Variants in RAD51B observed in about 807,000 individuals in gnomAD.
RAD51B encodes DNA repair protein RAD51 homolog 2.
Under a neutral mutation model 42.2 loss-of-function variants are expected in RAD51B, and 38 were observed. That is an observed-to-expected ratio of 0.90 (90% CI 0.70 to 1.18). The LOEUF (loss-of-function observed/expected upper bound fraction) is 1.18, where lower values mean the gene tolerates loss of function less well. Among genes scored for constraint, RAD51B ranks in the 50% most tolerant of loss-of-function variants. The pLI, the probability that RAD51B is intolerant of heterozygous loss-of-function variation, is 0.00. For synonymous variants in RAD51B, 154 were observed against 145.2 expected, an observed-to-expected ratio of 1.06 and a Z score of -0.43; for missense variants, 373 against 400.7, an observed-to-expected ratio of 0.93 and a Z score of 0.59.
intron 8 of RAD51B, among the ~76,000 whole-genome samples, chr14:68,410,316 G>T (rs1594797537): frequency 2.0e-5 from 3 of 152,144 alleles, no homozygotes; most frequent in African/African-American, 4.8e-5. Context: ...GAAAAAAAAA[G>T]ACCAATTCCT....
At chr14:68,582,433 T>C (rs1026562725) in intron 10 of RAD51B, among the ~76,000 whole-genome samples, 1 of 152,136 alleles carries the variant, frequency 6.6e-6, no homozygotes, top group Non-Finnish European at 1.5e-5. Context: ...ACTAGAGAAA[T>C]GCAAATCAAA....
intron 7 of RAD51B, among the ~76,000 whole-genome samples, chr14:67,918,823 TAGTC>T (rs1320033749): frequency 4.6e-5 from 7 of 152,286 alleles, no homozygotes; most frequent in Admixed American, 3.3e-4. Flanking sequence ...TCCAACCAAA[TAGTC>T]AATCAATTAT....
chr14:68,040,780 G>A (rs970123904), intron 7 of RAD51B, among the ~76,000 whole-genome samples: 1 of 152,116 alleles, frequency 6.6e-6, no homozygotes, highest in Non-Finnish European at 1.5e-5. Flanking sequence ...AGAATCACCC[G>A]GGAGCTTTTT....
intron 7 of RAD51B, among the ~76,000 whole-genome samples, chr14:68,277,184 A>C (rs527744025): frequency 1.3e-5 from 2 of 152,314 alleles, no homozygotes; most frequent in African/African-American, 4.8e-5. Flanking sequence ...ACTACTCATA[A>C]ACCATAACCA....
chr14:68,616,076 T>G (rs887210241), downstream of RAD51B, among the ~76,000 whole-genome samples: 4 of 152,228 alleles, frequency 2.6e-5, no homozygotes, highest in Non-Finnish European at 5.9e-5. Flanking sequence ...TACATGCTCT[T>G]GTCCTTTGTG....
At chr14:67,975,524 C>A (rs184891785) in intron 7 of RAD51B, among the ~76,000 whole-genome samples, 1 of 152,184 alleles carries the variant, frequency 6.6e-6, no homozygotes, top group East Asian at 1.9e-4. Flanking sequence ...AATCCTTAAC[C>A]AAATTAAATA....
At chr14:68,452,966 C>G (rs2095874136) in intron 9 of RAD51B, among the ~76,000 whole-genome samples, 1 of 152,096 alleles carries the variant, frequency 6.6e-6, no homozygotes, top group African/African-American at 2.4e-5. Flanking sequence ...TTTTAGCCCC[C>G]TATAACCATG....
intron 7 of RAD51B, among the ~76,000 whole-genome samples, chr14:68,157,058 G>T (rs1283549170): frequency 6.6e-6 from 1 of 152,096 alleles, no homozygotes; most frequent in Admixed American, 6.5e-5. Flanking sequence ...TTAGCCAGGT[G>T]TGGTGGCATG....
At chr14:68,127,700 A>G (rs1309817750) in intron 7 of RAD51B, among the ~76,000 whole-genome samples, 1 of 151,768 alleles carries the variant, frequency 6.6e-6, no homozygotes, top group Non-Finnish European at 1.5e-5. Flanking sequence ...ACAAGTAACA[A>G]TGAAGTATTC....
At chr14:68,028,977 A>G (rs1273826378) in intron 7 of RAD51B, among the ~76,000 whole-genome samples, 1 of 152,178 alleles carries the variant, frequency 6.6e-6, no homozygotes, top group Non-Finnish European at 1.5e-5. Flanking sequence ...TGCCAGCTCA[A>G]ATATCCATGG....
chr14:68,202,339 C>T (rs2079502913), intron 7 of RAD51B, among the ~76,000 whole-genome samples: 1 of 151,946 alleles, frequency 6.6e-6, no homozygotes, highest in Admixed American at 6.6e-5. Context: ...ATAGACTCTT[C>T]CTTTCATGAA....
At chr14:68,680,605 C>A (rs1003564070) in intron 11 of RAD51B, among the ~76,000 whole-genome samples, 2 of 152,148 alleles carry the variant, frequency 1.3e-5, no homozygotes, top group African/African-American at 4.8e-5. Flanking sequence ...TCCCGTTAGC[C>A]CAGATGGGTC....
At chr14:68,242,290 G>A (rs1225896096) in intron 7 of RAD51B, among the ~76,000 whole-genome samples, 1 of 152,128 alleles carries the variant, frequency 6.6e-6, no homozygotes, top group Non-Finnish European at 1.5e-5. Flanking sequence ...TCCTACCCAG[G>A]GAGTGGTTGG....
chr14:67,923,761 T>C (rs936066380), intron 7 of RAD51B, among the ~76,000 whole-genome samples: 1 of 152,218 alleles, frequency 6.6e-6, no homozygotes, highest in Admixed American at 6.5e-5. Flanking sequence ...GATTGCTGGA[T>C]CAAATGGTAG....
intron 7 of RAD51B, among the ~76,000 whole-genome samples, chr14:67,924,341 C>A (rs1207376788): frequency 6.6e-6 from 1 of 152,106 alleles, no homozygotes; most frequent in Non-Finnish European, 1.5e-5. Context: ...ATGTTATCTG[C>A]TAGAATTTTT....
intron 10 of RAD51B, among the ~76,000 whole-genome samples, chr14:68,538,130 C>T (rs1566930699): frequency 6.6e-6 from 1 of 152,252 alleles, no homozygotes; most frequent in Non-Finnish European, 1.5e-5. Context: ...AGAGCCAAGA[C>T]ACCTCACATT....
chr14:68,120,940 AT>A (rs2077640650), intron 7 of RAD51B, among the ~76,000 whole-genome samples: 1 of 152,140 alleles, frequency 6.6e-6, no homozygotes, highest in Non-Finnish European at 1.5e-5. Context: ...TTAAAAAGAC[AT>A]ATTTTATATT....
At chr14:68,470,393 A>G in intron 10 of RAD51B, 1 of 428,644 alleles carries the variant, frequency 2.3e-6, no homozygotes, top group Non-Finnish European at 4.6e-6. Context: ...GTGCTCCCAA[A>G]GACTTTGGGA....
At chr14:67,919,762 C>T (rs1229751883) in intron 7 of RAD51B, among the ~76,000 whole-genome samples, 2 of 152,138 alleles carry the variant, frequency 1.3e-5, no homozygotes, top group Non-Finnish European at 2.9e-5. Flanking sequence ...TAACTACATA[C>T]TTAAGAAGGT....
Sources: allele counts gnomAD v4.1 joint callset (sites outside exome capture counted in the v4.1 genomes callset), GRCh38; gene constraint gnomAD v4.1.1; transcripts MANE v1.5; gene names NCBI Gene and HGNC (gene_info 2026-07-23, HGNC 2026-07-21).